Variants in ABCA4 observed in about 807,000 individuals in gnomAD.
ABCA4 encodes retinal-specific phospholipid-transporting ATPase ABCA4.
A neutral mutation model predicts 263.7 loss-of-function variants in ABCA4; 196 were observed. The observed-to-expected ratio is 0.74, with a 90% CI of 0.66 to 0.84. The LOEUF is 0.84. Ranked by LOEUF, ABCA4 falls within the 40% of genes least tolerant of loss-of-function variation. The probability of loss-of-function intolerance (pLI) is 0.00; values close to 1 mark genes in which losing one functional copy is unlikely to be tolerated. For synonymous variants in ABCA4, 1,133 were observed against 1,094.2 expected (o/e 1.04, Z -0.70); for missense variants, 2,792 against 2,855.1 (o/e 0.98, Z 0.50).
At chr1:94,075,904 T>C (rs1661526469) in intron 11 of ABCA4, among the ~76,000 whole-genome samples, 1 of 152,216 alleles carries the variant, frequency 6.6e-6, no homozygotes, top group African/African-American at 2.4e-5. Context: ...CTCTAATCTA[T>C]CTGGGAGAGG....
At position 94,098,883 on chromosome 1, in the gene ABCA4, AGCGCACCGTCTTT is replaced by A. The variant is rs63749055; in HGVS notation, c.666_678del (p.Lys223MetfsTer14). 6.2e-6 allele frequency: 10 copies of A among 1,614,138 alleles called. No individual in the cohort carries two copies. The highest frequency in any genetic ancestry group is 1.3e-5 in the African/African-American group (1 of 75,074). On this transcript the variant is annotated frameshift_variant, in exon 6 of 50. Coordinates refer to ENST00000370225, the MANE Select transcript of ABCA4 (RefSeq NM_000350.3). LOFTEE classifies it high-confidence loss of function. ...CCCTGGGAGAGGGAGCACAGGGCAT[AGCGCACCGTCTTT>A]GCCCCGCGTCTCTGGCTGAAGATGA... is the stretch of plus-strand genomic sequence containing the variant.
chr1:94,005,857 CAT>C (rs1167155408), intron 43 of ABCA4, among the ~76,000 whole-genome samples: 1 of 152,152 alleles, frequency 6.6e-6, no homozygotes, highest in East Asian at 1.9e-4. Context: ...GATCACCTCA[CAT>C]GTGAGTTTAA....
At chr1:94,018,507 T>C (rs1659799789) in intron 36 of ABCA4, 6 of 453,702 alleles carry the variant, frequency 1.3e-5, no homozygotes, top group South Asian at 4.7e-5. Context: ...TTTTGTATTG[T>C]TAAGTGATAG....
At chr1:94,102,264 G>T (rs992906781) in intron 5 of ABCA4, among the ~76,000 whole-genome samples, 2 of 152,138 alleles carry the variant, frequency 1.3e-5, no homozygotes, top group Admixed American at 1.3e-4. Flanking sequence ...TGTGCCAGGG[G>T]ATAGAAGAAG....
intron 21 of ABCA4, 70 bp downstream of exon 21, chr1:94,043,266 T>C (rs1660567907): frequency 1.2e-6 from 2 of 1,607,754 alleles, no homozygotes; most frequent in Admixed American, 3.3e-5. Flanking sequence ...AAGCCTCCCC[T>C]GCCTCCTGGG....
At chr1:94,042,098 C>CAAAAAAAAAA (rs11334956) in intron 22 of ABCA4, among the ~76,000 whole-genome samples, 33 of 81,194 alleles carry the variant, frequency 4.1e-4, no homozygotes, top group Non-Finnish European at 5.1e-4. Context: ...GATTCTGTCT[C>CAAAAAAAAAA]AAAAAAAAAA....
In ABCA4 at chr1:94,041,253, C is replaced by T. The variant is rs747634650; in HGVS notation, c.3478G>A (p.Val1160Met). The T allele has an allele frequency of 1.2e-6, 2 of 1,614,040 alleles. No homozygotes were observed. Among genetic ancestry groups the T allele is most frequent in the Admixed American group, 1.7e-5 (1 of 60,004 alleles). The change falls in exon 23 of 50, where the codon GTG becomes ATG. Residue 1160 changes from valine (V) to methionine (M), a missense_variant. Physicochemically the swap from Val to Met is conservative, Grantham distance 21. Coordinates refer to ENST00000370225, the MANE Select transcript of ABCA4 (RefSeq NM_000350.3). Reference sequence around the variant, plus strand: ...CTCTGGATGTTTTTCATCTTGCGCACCAAGGTTAAGTACAAGCCTGTGCCA... The same window carrying T: ...CTCTGGATGTTTTTCATCTTGCGCATCAAGGTTAAGTACAAGCCTGTGCCA... ...CFGTGLYLTL[V>M]RKMKNIQSQR...
chr1:94,060,475 G>A, intron 14 of ABCA4, 62 bp downstream of exon 14: 1 of 1,469,736 alleles, frequency 6.8e-7, no homozygotes, highest in Non-Finnish European at 9.5e-7. Context: ...CACATGAACA[G>A]GAGGAAAGGG....
chr1:94,023,482 T>C, intron 31 of ABCA4, 64 bp from the exon 32 acceptor site: 1 of 1,346,998 alleles, frequency 7.4e-7, no homozygotes, highest in Non-Finnish European at 1.1e-6. Context: ...TAACTTTCTT[T>C]CCCAAACATT....
chr1:94,027,961 G>A (rs966689471), intron 30 of ABCA4, among the ~76,000 whole-genome samples: 13 of 152,232 alleles, frequency 8.5e-5, no homozygotes, highest in African/African-American at 3.1e-4. Context: ...ACTTTTAGAT[G>A]AGTGAGAAAC....
rs369860406 is a variant in ABCA4, at chr1:94,077,692, C to T, written c.1552G>A (p.Glu518Lys). Residue 518 changes from glutamate (E) to lysine (K), a missense_variant and splice_region_variant, in exon 11 of 50, where the codon GAG becomes AAG. Glu to Lys is a moderately conservative substitution (Grantham distance 56). Transcript: ENST00000370225. Reference protein sequence around the residue: ...RTLRLVNQYLECLVLDKFESY... With the variant: ...RTLRLVNQYLKCLVLDKFESY... ...CTGTGGGGCTTGCAGCCCCTTACCT[C>T]CAGGTATTGATTGACCAGGCGGAGG... is the stretch of plus-strand genomic sequence containing the variant. The T allele has an allele frequency of 1.1e-4, 174 of 1,610,550 alleles. No homozygotes were observed. Among genetic ancestry groups the T allele is most frequent in the Non-Finnish European group, 1.4e-4 (168 of 1,177,698 alleles).
intron 49 of ABCA4, 113 bp downstream of exon 49, chr1:93,995,996 G>C (rs1168758966): frequency 3.3e-6 from 3 of 901,914 alleles, no homozygotes; most frequent in African/African-American, 1.6e-5. Flanking sequence ...TGTGGGTGGG[G>C]CTCTCTGTAG....
At chr1:94,044,892 C>T in intron 19 of ABCA4, 148 bp from the exon 20 acceptor site, 3 of 1,094,252 alleles carry the variant, frequency 2.7e-6, no homozygotes, top group Non-Finnish European at 4.1e-6. Context: ...GCTGTGGGGC[C>T]CCCTTAGCAC....
chr1:94,073,868 A>G (rs1362957414), intron 11 of ABCA4, among the ~76,000 whole-genome samples: 1 of 152,190 alleles, frequency 6.6e-6, no homozygotes, highest in Non-Finnish European at 1.5e-5. Flanking sequence ...ACTGAACTCC[A>G]TGCTGCACAA....
At chr1:93,999,192 C>A (rs1257306489) in intron 47 of ABCA4, among the ~76,000 whole-genome samples, 1 of 151,844 alleles carries the variant, frequency 6.6e-6, no homozygotes, top group East Asian at 1.9e-4. Flanking sequence ...ATTACAGGTG[C>A]ATACCACCAT....
At chr1:94,084,472 G>A (rs115427369) in intron 6 of ABCA4, among the ~76,000 whole-genome samples, 1,553 of 152,304 alleles carry the variant, frequency 0.01, 26 homozygotes, top group African/African-American at 0.036. Context: ...GCTTTGACCA[G>A]CCAGGTTCTC....
At chr1:94,102,562 C>T (rs1286073875) in intron 5 of ABCA4, among the ~76,000 whole-genome samples, 1 of 152,094 alleles carries the variant, frequency 6.6e-6, no homozygotes, top group Non-Finnish European at 1.5e-5. Flanking sequence ...CCATCACAGC[C>T]AGAAGTCACA....
intron 11 of ABCA4, among the ~76,000 whole-genome samples, chr1:94,075,438 T>G (rs1422814405): frequency 6.6e-6 from 1 of 152,166 alleles, no homozygotes; most frequent in Non-Finnish European, 1.5e-5. Flanking sequence ...TTGCCTGCAG[T>G]TTGGTGCTGC....
At chr1:94,005,654 A>G in intron 43 of ABCA4, 72 bp from the exon 44 acceptor site, 1 of 1,497,908 alleles carries the variant, frequency 6.7e-7, no homozygotes, top group Non-Finnish European at 9.2e-7. Context: ...AGGGCTGGAG[A>G]AGCTTCTGCC....
Sources: gnomAD v4.1 joint callset for allele counts (sites outside exome capture counted in the v4.1 genomes callset) on GRCh38, gnomAD v4.1.1 for gene constraint, MANE v1.5 for transcripts, NCBI Gene and HGNC (gene_info 2026-07-23, HGNC 2026-07-21) for gene names.